Variants in CTNNA3 observed in about 807,000 individuals in gnomAD.
CTNNA3 encodes catenin alpha 3, also known as catenin alpha-3.
A neutral mutation model predicts 95.7 loss-of-function variants in CTNNA3; 76 were observed. That is an observed-to-expected ratio of 0.79 (90% CI 0.66 to 0.96). The LOEUF (loss-of-function observed/expected upper bound fraction) is 0.96. CTNNA3 is among the 40% of genes least tolerant of loss of function. CTNNA3 has a pLI of 0.00. For missense variants in CTNNA3, 1,191 were observed against 1,089.8 expected (o/e 1.09, Z -1.31); for synonymous variants, 431 against 374.4 (o/e 1.15, Z -1.74).
chr10:66,477,042 T>C (rs559463282), intron 11 of CTNNA3, among the ~76,000 whole-genome samples: 1 of 152,254 alleles, frequency 6.6e-6, no homozygotes, highest in East Asian at 1.9e-4. Flanking sequence ...TTTATTACAA[T>C]TGGCTTGCAG....
At chr10:65,992,780 T>C (rs969796986) in intron 15 of CTNNA3, among the ~76,000 whole-genome samples, 1 of 152,124 alleles carries the variant, frequency 6.6e-6, no homozygotes, top group Non-Finnish European at 1.5e-5. Context: ...TTCTACTAAT[T>C]CTGGATTTAG....
chr10:66,756,978 T>C (rs773332746), intron 9 of CTNNA3, among the ~76,000 whole-genome samples: 2 of 152,220 alleles, frequency 1.3e-5, no homozygotes, highest in East Asian at 1.9e-4. Flanking sequence ...TTGCTTTAAA[T>C]TGATTCAGCT....
At chr10:66,532,304 T>G (rs935432436) in intron 10 of CTNNA3, among the ~76,000 whole-genome samples, 16 of 151,812 alleles carry the variant, frequency 1.1e-4, no homozygotes, top group African/African-American at 3.9e-4. Context: ...CTACTAAAAA[T>G]ACAAAAAATT....
chr10:66,915,210 C>T (rs541477112), intron 7 of CTNNA3, among the ~76,000 whole-genome samples: 7 of 143,212 alleles, frequency 4.9e-5, no homozygotes, highest in African/African-American at 1.0e-4. Context: ...AAAAAAAGCA[C>T]GAACCAAAGT....
At chr10:67,155,953 C>T (rs1460717501) in intron 7 of CTNNA3, among the ~76,000 whole-genome samples, 2 of 152,022 alleles carry the variant, frequency 1.3e-5, no homozygotes, top group Non-Finnish European at 2.9e-5. Flanking sequence ...TTTTTGATTA[C>T]TGATTCAATC....
At chr10:66,481,902 T>C (rs1326142307) in intron 11 of CTNNA3, among the ~76,000 whole-genome samples, 1 of 152,046 alleles carries the variant, frequency 6.6e-6, no homozygotes, top group Non-Finnish European at 1.5e-5. Context: ...GCAACACAGG[T>C]ATTTGTATAC....
At chr10:67,742,718 T>A (rs1334690226) in intron 1 of CTNNA3, among the ~76,000 whole-genome samples, 2 of 150,832 alleles carry the variant, frequency 1.3e-5, no homozygotes, top group Non-Finnish European at 3.0e-5. Context: ...CAGGAGCTGG[T>A]TTTTTGAAAA....
chr10:66,404,751 T>C (rs1388710540), intron 11 of CTNNA3, among the ~76,000 whole-genome samples: 3 of 150,824 alleles, frequency 2.0e-5, no homozygotes, highest in African/African-American at 7.4e-5. Flanking sequence ...TTTGTAAACT[T>C]TCTTAAAACA....
chr10:67,512,691 T>TA lies in CTNNA3; in HGVS notation c.579+9150dup, dbSNP rs1052453236. ...TGTAATATTATTGCATTTTCTTCTT[T>TA]AAAAAAAAAAAAGGGCCAGGAGCGG... On this transcript the variant is annotated intron_variant, in intron 5 of 17. Transcript: ENST00000433211. Among the ~76,000 whole-genome samples, 462 of 143,626 alleles carry TA rather than the reference T, an allele frequency of 3.2e-3. 1 individual carries two copies. The highest frequency in any genetic ancestry group is 4.3e-3 in the Admixed American group (61 of 14,240). The allele number at this position is 143,626 out of a possible 152,430, so 94.2% of individuals were successfully genotyped here.
At chr10:66,973,561 A>G (rs1178689548) in intron 7 of CTNNA3, among the ~76,000 whole-genome samples, 1 of 152,200 alleles carries the variant, frequency 6.6e-6, no homozygotes. Flanking sequence ...ATAATTAGCA[A>G]TATATAATTT....
intron 5 of CTNNA3, among the ~76,000 whole-genome samples, chr10:67,353,805 A>C (rs9414956): frequency 0.89 from 134,896 of 151,896 alleles, 61,018 homozygotes; most frequent in East Asian, 1. Flanking sequence ...ATGAATGTAA[A>C]GATTTCCACA....
intron 17 of CTNNA3, among the ~76,000 whole-genome samples, chr10:65,956,571 G>T (rs1294094619): frequency 6.6e-6 from 1 of 152,180 alleles, no homozygotes; most frequent in Non-Finnish European, 1.5e-5. Flanking sequence ...GTGTCCCAGA[G>T]ATTCTGGTAT....
chr10:67,326,618 TGTAG>T (rs1306540492), intron 5 of CTNNA3, among the ~76,000 whole-genome samples: 5 of 152,222 alleles, frequency 3.3e-5, no homozygotes, highest in African/African-American at 1.2e-4. Context: ...GGCTTCCCTT[TGTAG>T]GTCACCTGAC....
chr10:67,459,965 T>C (rs1303995191), intron 5 of CTNNA3, among the ~76,000 whole-genome samples: 1 of 152,186 alleles, frequency 6.6e-6, no homozygotes, highest in African/African-American at 2.4e-5. Context: ...TATGACTTGC[T>C]TTTCTCACAT....
At chr10:66,532,787 G>T (rs775855146) in intron 10 of CTNNA3, among the ~76,000 whole-genome samples, 34 of 152,170 alleles carry the variant, frequency 2.2e-4, no homozygotes, top group Admixed American at 6.5e-4. Flanking sequence ...GCAAGGGCAT[G>T]TTAAGAAAAT....
intron 5 of CTNNA3, among the ~76,000 whole-genome samples, chr10:67,421,558 C>T (rs979587727): frequency 6.6e-6 from 1 of 152,176 alleles, no homozygotes; most frequent in Admixed American, 6.5e-5. Flanking sequence ...CACCTCTCTA[C>T]ACATCATGGG....
intron 11 of CTNNA3, among the ~76,000 whole-genome samples, chr10:66,501,183 A>G (rs115152788): frequency 0.011 from 1,619 of 152,302 alleles, 30 homozygotes; most frequent in African/African-American, 0.037. Flanking sequence ...ATCTGTAATT[A>G]CTATAGAGAT....
At chr10:66,032,213 A>T (rs2079463467) in intron 15 of CTNNA3, among the ~76,000 whole-genome samples, 1 of 152,086 alleles carries the variant, frequency 6.6e-6, no homozygotes, top group African/African-American at 2.4e-5. Context: ...ATTTTTTTAA[A>T]AAAATTATTT....
intron 5 of CTNNA3, among the ~76,000 whole-genome samples, chr10:67,289,400 A>T (rs528277735): frequency 6.6e-6 from 1 of 152,334 alleles, no homozygotes; most frequent in East Asian, 1.9e-4. Context: ...AAAAGGCATT[A>T]AAAGAGGTAT....
Sources: allele counts gnomAD v4.1 joint callset (sites outside exome capture counted in the v4.1 genomes callset), GRCh38; gene constraint gnomAD v4.1.1; transcripts MANE v1.5; gene names NCBI Gene and HGNC (gene_info 2026-07-23, HGNC 2026-07-21).